Variants in ROR2 observed in about 807,000 individuals in gnomAD.
The protein encoded by ROR2 is tyrosine-protein kinase transmembrane receptor ROR2.
Under a neutral mutation model 74.9 loss-of-function variants are expected in ROR2, and 33 were observed. The observed-to-expected ratio is 0.44, with a 90% CI of 0.33 to 0.59. The LOEUF is 0.59. Ranked by LOEUF, ROR2 falls within the 20% of genes least tolerant of loss-of-function variation. The probability of loss-of-function intolerance (pLI) is 0.02; values close to 1 mark genes in which losing one functional copy is unlikely to be tolerated. For missense variants in ROR2, 1,216 were observed against 1,313.8 expected, an observed-to-expected ratio of 0.93 and a Z score of 1.15; for synonymous variants, 586 against 558.7, an observed-to-expected ratio of 1.05 and a Z score of -0.69.
intron 1 of ROR2, among the ~76,000 whole-genome samples, chr9:91,921,589 T>A (rs1416889356): frequency 6.6e-6 from 1 of 151,984 alleles, no homozygotes; most frequent in African/African-American, 2.4e-5. Flanking sequence ...TGAAGCCGGG[T>A]GTGGTAGCTC....
intron 1 of ROR2, among the ~76,000 whole-genome samples, chr9:91,904,771 C>A (rs1330257455): frequency 6.6e-6 from 1 of 152,176 alleles, no homozygotes; most frequent in Non-Finnish European, 1.5e-5. Flanking sequence ...CACCCGTGGC[C>A]TCAGGAACCT....
chr9:91,858,392 C>A (rs1007027521), intron 1 of ROR2, among the ~76,000 whole-genome samples: 17 of 151,778 alleles, frequency 1.1e-4, no homozygotes, highest in African/African-American at 4.1e-4. Context: ...CACATTCACA[C>A]AGGCATACAT....
At chr9:91,727,570 C>T (rs761459428) in intron 7 of ROR2, among the ~76,000 whole-genome samples, 6 of 152,156 alleles carry the variant, frequency 3.9e-5, no homozygotes, top group East Asian at 1.9e-4. Flanking sequence ...GCACCCCACA[C>T]GTCAAAGCAA....
chr9:91,907,930 C>A (rs1830860773), intron 1 of ROR2, among the ~76,000 whole-genome samples: 1 of 152,118 alleles, frequency 6.6e-6, no homozygotes, highest in Non-Finnish European at 1.5e-5. Flanking sequence ...TCCAGGTGGG[C>A]ACAGGGCAAG....
At chr9:91,771,935 T>G (rs1159207387) in intron 2 of ROR2, among the ~76,000 whole-genome samples, 2 of 152,226 alleles carry the variant, frequency 1.3e-5, no homozygotes, top group African/African-American at 4.8e-5. Context: ...GACTGATGAT[T>G]GGGTTAAATA....
intron 1 of ROR2, among the ~76,000 whole-genome samples, chr9:91,900,030 A>G (rs947557203): frequency 4.6e-5 from 7 of 152,218 alleles, no homozygotes; most frequent in Admixed American, 3.3e-4. Flanking sequence ...ACATTAATCG[A>G]TAAGTACCTA....
chr9:91,912,081 T>C (rs186699070), intron 1 of ROR2, among the ~76,000 whole-genome samples: 20 of 152,064 alleles, frequency 1.3e-4, no homozygotes, highest in Admixed American at 4.6e-4. Context: ...GAAAAACAGG[T>C]GAACTAAATG....
At chr9:91,878,937 G>A (rs1267113747) in intron 1 of ROR2, among the ~76,000 whole-genome samples, 1 of 152,178 alleles carries the variant, frequency 6.6e-6, no homozygotes, top group East Asian at 1.9e-4. Flanking sequence ...GGCTACTCAG[G>A]AGGCTGAGGC....
chr9:91,836,626 G>A (rs1277999921), intron 1 of ROR2, among the ~76,000 whole-genome samples: 1 of 152,022 alleles, frequency 6.6e-6, no homozygotes, highest in African/African-American at 2.4e-5. Context: ...CCTCTGGTGC[G>A]ACAACGCAGC....
chr9:91,809,194 T>C (rs2119094508), intron 1 of ROR2, among the ~76,000 whole-genome samples: 1 of 152,234 alleles, frequency 6.6e-6, no homozygotes, highest in East Asian at 1.9e-4. Flanking sequence ...CTCCCTTCCA[T>C]CTCTCCCCAC....
intron 4 of ROR2, among the ~76,000 whole-genome samples, chr9:91,745,055 A>G (rs183091738): frequency 6.6e-6 from 1 of 152,280 alleles, no homozygotes; most frequent in Admixed American, 6.5e-5. Context: ...AAGTGTGCAC[A>G]TTTTCATTAT....
At chr9:91,746,817 C>T (rs1283702871) in intron 4 of ROR2, among the ~76,000 whole-genome samples, 1 of 152,000 alleles carries the variant, frequency 6.6e-6, no homozygotes, top group Admixed American at 6.5e-5. Flanking sequence ...ATTAACATAA[C>T]TTTTCATTAT....
At chr9:91,759,820 C>A (rs1252663236) in intron 2 of ROR2, among the ~76,000 whole-genome samples, 2 of 152,206 alleles carry the variant, frequency 1.3e-5, no homozygotes, top group African/African-American at 4.8e-5. Flanking sequence ...ACGGACAGCA[C>A]CACGTTCCAG....
intron 1 of ROR2, among the ~76,000 whole-genome samples, chr9:91,807,631 G>T (rs969127896): frequency 6.6e-5 from 10 of 152,126 alleles, no homozygotes; most frequent in African/African-American, 2.4e-4. Context: ...CTCAATGAGG[G>T]GGGATCAGAC....
In ROR2 at chr9:91,940,995, C is replaced by CTT. The variant is rs11321454; in HGVS notation, c.97+8870_97+8871dup. On this transcript the variant is annotated intron_variant, in intron 1 of 8. Coordinates refer to ENST00000375708, the MANE Select transcript of ROR2 (RefSeq NM_004560.4). ...TTGTTAGAATTTAACATTTTTAATT[C>CTT]TTTTTTTTTTTTTTTTTTTTGAGAT... Among the ~76,000 whole-genome samples the CTT allele has an allele frequency of 1.0e-3, 111 of 110,718 alleles. 1 individual carries two copies. The highest frequency in any genetic ancestry group is 1.8e-3 in the African/African-American group (45 of 24,736). 72.6% of individuals were successfully genotyped at this position (110,718 alleles called of 152,430 possible).
intron 1 of ROR2, among the ~76,000 whole-genome samples, chr9:91,938,503 T>A (rs1022675529): frequency 1.3e-5 from 2 of 152,008 alleles, no homozygotes; most frequent in Non-Finnish European, 2.9e-5. Flanking sequence ...ACACCTGTAA[T>A]CTTAGCTATG....
At chr9:91,806,060 T>C (rs764919131) in intron 1 of ROR2, among the ~76,000 whole-genome samples, 8 of 152,186 alleles carry the variant, frequency 5.3e-5, no homozygotes, top group African/African-American at 1.2e-4. Flanking sequence ...CTTTTCAAGG[T>C]AGAACCGGCT....
chr9:91,930,961 G>A (rs78060923), intron 1 of ROR2, among the ~76,000 whole-genome samples: 3,201 of 152,182 alleles, frequency 0.021, 108 homozygotes, highest in African/African-American at 0.073. Context: ...GTACATCATT[G>A]CCTTTCTTTT....
At chr9:91,794,405 T>C (rs1827103223) in intron 1 of ROR2, among the ~76,000 whole-genome samples, 2 of 152,188 alleles carry the variant, frequency 1.3e-5, no homozygotes, top group African/African-American at 2.4e-5. Context: ...GACTCACCAG[T>C]AAGTAAAGCA....
Sources: gnomAD v4.1 joint callset for allele counts (sites outside exome capture counted in the v4.1 genomes callset) on GRCh38, gnomAD v4.1.1 for gene constraint, MANE v1.5 for transcripts, NCBI Gene and HGNC (gene_info 2026-07-23, HGNC 2026-07-21) for gene names.